BRD10: variants seen among roughly 807,000 people sequenced by gnomAD.
The protein encoded by BRD10 is bromodomain containing 10, also known as uncharacterized bromodomain-containing protein 10.
chr9:5,952,205 G>C, the BRD10 span, among the ~76,000 whole-genome samples: 3 of 151,884 alleles, frequency 2.0e-5, no homozygotes, highest in Non-Finnish European at 4.4e-5. Flanking sequence ...TGTATTTTTA[G>C]TAGAGATGGG....
the BRD10 span, chr9:5,933,743 A>G: frequency 2.1e-6 from 1 of 470,424 alleles, no homozygotes; most frequent in East Asian, 6.9e-5. Flanking sequence ...GTCGGGAGGG[A>G]AACTTACCTC....
chr9:6,008,355 G>A, the BRD10 span: 2 of 981,322 alleles, frequency 2.0e-6, no homozygotes, highest in Non-Finnish European at 1.2e-6. Flanking sequence ...AAGCCCCGCT[G>A]GGCGGTGAGG....
chr9:5,977,108 G>C, the BRD10 span, among the ~76,000 whole-genome samples: 1 of 152,214 alleles, frequency 6.6e-6, no homozygotes, highest in Non-Finnish European at 1.5e-5. Flanking sequence ...GTCAGTATAA[G>C]AGACAGAAAC....
At chr9:5,921,175 T>G in the BRD10 span, 1 of 1,613,966 alleles carries the variant, frequency 6.2e-7, no homozygotes, top group Non-Finnish European at 8.5e-7. Flanking sequence ...TACTTTTGTC[T>G]TCTCCTTTTG....
At chr9:5,882,403 T>C in the BRD10 span, among the ~76,000 whole-genome samples, 4 of 152,150 alleles carry the variant, frequency 2.6e-5, no homozygotes, top group Non-Finnish European at 4.4e-5. Flanking sequence ...CAAACAAGTG[T>C]GAAAGTAGTC....
At chr9:6,005,343 T>A in the BRD10 span, among the ~76,000 whole-genome samples, 1 of 151,120 alleles carries the variant, frequency 6.6e-6, no homozygotes, top group Admixed American at 6.6e-5. Flanking sequence ...AAACCCCATC[T>A]CTACCAAAAA....
chr9:5,885,863 C>T, the BRD10 span, among the ~76,000 whole-genome samples: 5 of 152,186 alleles, frequency 3.3e-5, no homozygotes, highest in African/African-American at 9.7e-5. Context: ...GGGATGTGGC[C>T]TTGCCTTCTC....
the BRD10 span, among the ~76,000 whole-genome samples, chr9:5,923,974 T>TTTACA: frequency 6.6e-6 from 1 of 152,202 alleles, no homozygotes; most frequent in Admixed American, 6.5e-5. Flanking sequence ...CTGAAATGAA[T>TTTACA]TACAGGTAAT....
At chr9:5,968,251 T>G in the BRD10 span, 1 of 1,612,672 alleles carries the variant, frequency 6.2e-7, no homozygotes, top group African/African-American at 1.3e-5. Context: ...GAATATCCCT[T>G]ACAACTTTGT....
chr9:5,891,822 G>A, the BRD10 span, among the ~76,000 whole-genome samples: 2 of 152,186 alleles, frequency 1.3e-5, no homozygotes, highest in Non-Finnish European at 2.9e-5. Context: ...GGGCTTCCTC[G>A]GCTTGTTTTG....
the BRD10 span, chr9:5,892,535 T>C: frequency 1.1e-5 from 18 of 1,613,278 alleles, no homozygotes; most frequent in Non-Finnish European, 1.4e-5. Context: ...CGGCCACTCT[T>C]ACACCACGGC....
chr9:5,967,882 T>C, the BRD10 span: 4 of 600,888 alleles, frequency 6.7e-6, no homozygotes, highest in Non-Finnish European at 1.1e-5. Flanking sequence ...GAATATAAAA[T>C]AAAATTTGAC....
At chr9:5,899,457 G>C in the BRD10 span, among the ~76,000 whole-genome samples, 1 of 152,098 alleles carries the variant, frequency 6.6e-6, no homozygotes, top group Admixed American at 6.6e-5. Context: ...CAAGTCTGGG[G>C]GCTGACACAC....
the BRD10 span, among the ~76,000 whole-genome samples, chr9:5,969,717 G>T: frequency 6.6e-6 from 1 of 151,944 alleles, no homozygotes; most frequent in African/African-American, 2.4e-5. Context: ...CTAACATTTT[G>T]TATTTTTTAG....
the BRD10 span, among the ~76,000 whole-genome samples, chr9:5,972,278 A>G: frequency 6.6e-6 from 1 of 152,338 alleles, no homozygotes; most frequent in South Asian, 2.1e-4. Context: ...AAGTGAAAAG[A>G]AACTGAAAAC....
At chr9:5,887,955 T>C in the BRD10 span, among the ~76,000 whole-genome samples, 1 of 152,210 alleles carries the variant, frequency 6.6e-6, no homozygotes, top group Non-Finnish European at 1.5e-5. Flanking sequence ...CTTTCTCCCT[T>C]ACCATTTTCA....
At chr9:5,924,953 T>C in the BRD10 span, 43 of 782,506 alleles carry the variant, frequency 5.5e-5, no homozygotes, top group Admixed American at 6.1e-4. Context: ...TTTTATTAAG[T>C]CACTAGAAAT....
chr9:5,978,690 G>A, the BRD10 span, among the ~76,000 whole-genome samples: 2 of 152,202 alleles, frequency 1.3e-5, no homozygotes, highest in African/African-American at 4.8e-5. Flanking sequence ...CAAAAAGCCA[G>A]AAAACAAGCC....
chr9:5,956,651 T>C, the BRD10 span, among the ~76,000 whole-genome samples: 1 of 152,204 alleles, frequency 6.6e-6, no homozygotes, highest in Non-Finnish European at 1.5e-5. Context: ...AGCTAAGCTA[T>C]GGTGAGAAAA....
Sources: gnomAD v4.1 joint callset for allele counts (sites outside exome capture counted in the v4.1 genomes callset) on GRCh38, gnomAD v4.1.1 for gene constraint, MANE v1.5 for transcripts, NCBI Gene and HGNC (gene_info 2026-07-23, HGNC 2026-07-21) for gene names.